The following LIMA1 variants were observed in gnomAD, a reference collection of about 807,000 sequenced individuals.
The protein encoded by LIMA1 is LIM domain and actin-binding protein 1.
LIMA1 carries 52 observed loss-of-function variants against 62.6 expected under a neutral mutation model. The observed-to-expected ratio is 0.83, with a 90% confidence interval of 0.67 to 1.05. The LOEUF is 1.05. Among genes scored for constraint, LIMA1 ranks in the 50% least tolerant of loss-of-function variants. LIMA1 has a pLI of 0.00. For synonymous variants in LIMA1, 302 were observed against 317.8 expected, an observed-to-expected ratio of 0.95 and a Z score of 0.53; for missense variants, 780 against 902.2, an observed-to-expected ratio of 0.86 and a Z score of 1.74.
At chr12:50,192,600 C>G in intron 8 of LIMA1, 39 bp from the exon 9 acceptor site, 2 of 1,458,566 alleles carry the variant, frequency 1.4e-6, no homozygotes, top group Non-Finnish European at 1.9e-6. Context: ...TACAGTATCT[C>G]ATGGAATGTC....
chr12:50,243,482 T>C (rs899497461), intron 2 of LIMA1, among the ~76,000 whole-genome samples: 2 of 152,228 alleles, frequency 1.3e-5, no homozygotes, highest in African/African-American at 4.8e-5. Context: ...TGATCTCAAC[T>C]GATCTCGGAA....
rs551149952 is a variant in LIMA1, at chr12:50,230,156, T to A, written c.165+1509A>T. On this transcript the variant is annotated intron_variant, in intron 3 of 10. Coordinates refer to ENST00000341247, the MANE Select transcript of LIMA1 (RefSeq NM_016357.5). ...TTCAAGTGATTCTCCTGGCTCAGCCTCCAGAGTAGCTGGGACTACAGGCAT... is the reference window on the plus strand; with the variant it reads ...TTCAAGTGATTCTCCTGGCTCAGCCACCAGAGTAGCTGGGACTACAGGCAT... Among the ~76,000 whole-genome samples the A allele has an allele frequency of 1.4e-4, 22 of 152,362 alleles. No homozygotes were observed. The South Asian group carries it at 1.4e-3, about 10-fold the overall frequency.
intron 4 of LIMA1, among the ~76,000 whole-genome samples, chr12:50,218,779 C>T (rs1450130332): frequency 1.3e-5 from 2 of 151,900 alleles, no homozygotes; most frequent in Non-Finnish European, 2.9e-5. Context: ...TGGTGGTACA[C>T]ACCTGTGGCC....
At chr12:50,223,285 C>T (rs1261421704) in intron 3 of LIMA1, among the ~76,000 whole-genome samples, 1 of 151,520 alleles carries the variant, frequency 6.6e-6, no homozygotes, top group Non-Finnish European at 1.5e-5. Context: ...GAGTTTGAGA[C>T]CAGCCAGACC....
chr12:50,277,019 A>G (rs1306164864), intron 1 of LIMA1, among the ~76,000 whole-genome samples: 1 of 151,978 alleles, frequency 6.6e-6, no homozygotes, highest in Non-Finnish European at 1.5e-5. Context: ...ATGGTTCTGT[A>G]TGAAGTAGAA....
chr12:50,201,440 T>A, intron 6 of LIMA1: 1 of 977,688 alleles, frequency 1.0e-6, no homozygotes. Flanking sequence ...CATATACAAT[T>A]CATATATTGT....
chr12:50,194,967 G>C (rs1325344539), intron 8 of LIMA1, among the ~76,000 whole-genome samples: 1 of 152,112 alleles, frequency 6.6e-6, no homozygotes, highest in East Asian at 1.9e-4. Flanking sequence ...AGAATCGCTT[G>C]AACCTGGGAG....
chr12:50,253,816 A>G (rs1209180023), intron 1 of LIMA1, among the ~76,000 whole-genome samples: 1 of 151,854 alleles, frequency 6.6e-6, no homozygotes, highest in Non-Finnish European at 1.5e-5. Context: ...ACCTGAGGTC[A>G]GGAGTTCCGG....
At chr12:50,248,078 G>A (rs1439492049) in intron 2 of LIMA1, among the ~76,000 whole-genome samples, 1 of 152,198 alleles carries the variant, frequency 6.6e-6, no homozygotes, top group Non-Finnish European at 1.5e-5. Flanking sequence ...TAGTTACTGA[G>A]CACTTGAAAA....
Position 50,206,038 on chromosome 12 carries a change from C to T in LIMA1, c.661G>A (p.Gly221Arg), listed in dbSNP as rs941933526. 4 of 1,612,960 alleles carry T rather than the reference C, an allele frequency of 2.5e-6. No homozygotes were observed. The highest frequency in any genetic ancestry group is 2.7e-5 in the African/African-American group (2 of 74,902). Residue 221 changes from glycine (G) to arginine (R), a missense_variant, in exon 5 of 11, where the codon GGA becomes AGA. Physicochemically the swap from Gly to Arg is moderately radical, Grantham distance 125. Coordinates refer to ENST00000341247, the MANE Select transcript of LIMA1 (RefSeq NM_016357.5). Reference protein sequence around the residue: ...ILRAQSRSASGRKISENSYSL... With the variant: ...ILRAQSRSASRRKISENSYSL... ...TAGCTGTTTTCAGAGATCTTCCTTC[C>T]ACTTGCACTTCGGCTTTGGGCCCGG...
chr12:50,260,781 T>C lies in LIMA1; in HGVS notation c.-23-12007A>G, dbSNP rs547854365. ...ATTACCTACCCTAGCTAGTCAAAAA[T>C]TCTATATAAAATGCCTAACACAGGG... On this transcript the variant is annotated intron_variant, in intron 1 of 10. Coordinates refer to ENST00000341247, the MANE Select transcript of LIMA1 (RefSeq NM_016357.5). Among the ~76,000 whole-genome samples the C allele has an allele frequency of 7.3e-4, 111 of 152,042 alleles. 1 individual carries two copies. Among genetic ancestry groups the C allele is most frequent in the African/African-American group, 2.3e-3 (95 of 41,468 alleles).
At chr12:50,241,761 G>A (rs911152748) in intron 2 of LIMA1, among the ~76,000 whole-genome samples, 2 of 151,874 alleles carry the variant, frequency 1.3e-5, no homozygotes, top group Non-Finnish European at 1.5e-5. Context: ...TCTGAATTCC[G>A]TGTTCAGGCC....
intron 4 of LIMA1, among the ~76,000 whole-genome samples, chr12:50,209,195 C>T (rs967148478): frequency 1.4e-4 from 22 of 152,084 alleles, no homozygotes; most frequent in African/African-American, 5.3e-4. Flanking sequence ...ACACACAGGT[C>T]AGGCATACTT....
chr12:50,191,663 T>C (rs1190944520), intron 9 of LIMA1, among the ~76,000 whole-genome samples: 1 of 146,176 alleles, frequency 6.8e-6, no homozygotes, highest in African/African-American at 2.5e-5. Context: ...CTACTAAAAC[T>C]ACAAAAAGTT....
intron 3 of LIMA1, among the ~76,000 whole-genome samples, chr12:50,223,241 T>C (rs2138561061): frequency 6.6e-6 from 1 of 152,152 alleles, no homozygotes; most frequent in East Asian, 1.9e-4. Context: ...TCCCAGCACT[T>C]TGGGAGGCCG....
Position 50,195,831 on chromosome 12 carries a change from G to A in LIMA1, c.1029C>T (p.Ser343=), listed in dbSNP as rs184928153. Residue 343 remains serine (S), a splice_region_variant and synonymous_variant, in exon 8 of 11, where the codon TCC becomes TCT. Coordinates refer to ENST00000341247, the MANE Select transcript of LIMA1 (RefSeq NM_016357.5). ...CCAGATCTAAGAAAGAATGCTTACGGGAGTCATCTTCGGCAGGGGTGGAAC... is the reference window on the plus strand; with the variant it reads ...CCAGATCTAAGAAAGAATGCTTACGAGAGTCATCTTCGGCAGGGGTGGAAC... ...AVRSTPAEDD[S]RDSQVKSEVQ... 10 of 1,598,744 alleles carry A rather than the reference G, an allele frequency of 6.3e-6. No homozygotes were observed. The African/African-American group carries it at 1.4e-4, about 22-fold the overall frequency.
In LIMA1 at chr12:50,283,468, G is replaced by A. The variant is rs1942364693; in HGVS notation, c.-72C>T. 6.6e-6 allele frequency: 1 copy of A among 152,332 alleles called. No homozygotes were observed. Among genetic ancestry groups the A allele is most frequent in the African/African-American group, 2.4e-5 (1 of 41,464 alleles). 9.4% of individuals were successfully genotyped at this position (152,332 alleles called of 1,614,324 possible). A position where few individuals can be genotyped will look rare whatever the true frequency, so the allele number is the denominator to read the frequency against. ...TGCGCTGCTACCAGCCCTGTCACAG[G>A]TCCCGGCGCTCTACCTAGCGCACCT... On this transcript the variant is annotated 5_prime_UTR_variant, in exon 1 of 11. Transcript: ENST00000341247.
chr12:50,201,610 A>C, intron 6 of LIMA1: 1 of 856,252 alleles, frequency 1.2e-6, no homozygotes, highest in Non-Finnish European at 1.4e-6. Context: ...TAAAATCAAC[A>C]TAGAACCTGG....
intron 2 of LIMA1, among the ~76,000 whole-genome samples, chr12:50,241,392 T>G (rs1243470410): frequency 1.3e-5 from 2 of 152,178 alleles, no homozygotes; most frequent in African/African-American, 4.8e-5. Flanking sequence ...TTTAGCCAAC[T>G]GTTCTCCAAG....
Sources: allele counts gnomAD v4.1 joint callset (sites outside exome capture counted in the v4.1 genomes callset), GRCh38; gene constraint gnomAD v4.1.1; transcripts MANE v1.5; gene names NCBI Gene and HGNC (gene_info 2026-07-23, HGNC 2026-07-21).